Variants in MYT1L observed in about 807,000 individuals in gnomAD.
The protein encoded by MYT1L is myelin transcription factor 1-like protein.
A neutral mutation model predicts 126.7 loss-of-function variants in MYT1L; 12 were observed. The observed-to-expected ratio is 0.09, with a 90% confidence interval of 0.06 to 0.15. The LOEUF is 0.15. Ranked by LOEUF, MYT1L falls within the 10% of genes least tolerant of loss-of-function variation. MYT1L has a pLI of 1.00. For missense variants in MYT1L, 979 were observed against 1,585.2 expected (o/e 0.62, Z 6.49); for synonymous variants, 541 against 604.2 (o/e 0.90, Z 1.53).
At chr2:1,891,994 T>A in intron 15 of MYT1L, 43 bp downstream of exon 15, 1 of 1,465,812 alleles carries the variant, frequency 6.8e-7, no homozygotes, top group African/African-American at 1.4e-5. Flanking sequence ...CGGCCCGGCC[T>A]CCCCCACCCG....
intron 2 of MYT1L, among the ~76,000 whole-genome samples, chr2:2,254,059 A>G (rs1225022441): frequency 2.6e-5 from 4 of 152,332 alleles, no homozygotes; most frequent in Admixed American, 2.0e-4. Flanking sequence ...TAAGTGTGAA[A>G]GGAATGTTGT....
chr2:2,137,334 AACT>A (rs1342653053), intron 3 of MYT1L, among the ~76,000 whole-genome samples: 6 of 152,188 alleles, frequency 3.9e-5, no homozygotes, highest in Admixed American at 3.3e-4. Flanking sequence ...AATTGGAAAA[AACT>A]ACTTTAAAGT....
intron 8 of MYT1L, among the ~76,000 whole-genome samples, chr2:1,944,728 C>T (rs781578339): frequency 7.2e-5 from 11 of 152,198 alleles, no homozygotes; most frequent in African/African-American, 2.7e-4. Flanking sequence ...AGGCTTTATG[C>T]TCTAACAAGG....
At chr2:2,147,191 A>AAT (rs2085019507) in intron 3 of MYT1L, among the ~76,000 whole-genome samples, 2 of 152,318 alleles carry the variant, frequency 1.3e-5, no homozygotes, top group South Asian at 4.1e-4. Flanking sequence ...CTCCCCATGT[A>AAT]AACCTCACAT....
intron 2 of MYT1L, among the ~76,000 whole-genome samples, chr2:2,220,165 G>A (rs1290818742): frequency 6.6e-6 from 1 of 152,154 alleles, no homozygotes; most frequent in African/African-American, 2.4e-5. Context: ...AGTGACCATG[G>A]CACGTGACAC....
chr2:1,965,333 G>A (rs1427175416), intron 8 of MYT1L, among the ~76,000 whole-genome samples: 2 of 149,472 alleles, frequency 1.3e-5, no homozygotes, highest in Non-Finnish European at 3.0e-5. Context: ...TCTGTGACTT[G>A]CAGGGACCAG....
At position 1,889,107 on chromosome 2, in the gene MYT1L, G is replaced by A. The variant is rs540427241; in HGVS notation, c.2520+134C>T. On this transcript the variant is annotated intron_variant, in intron 16 of 24. Transcript: ENST00000647738. This position sits in a 1 kb window ranked among gnomAD's most constrained non-coding sequence, Gnocchi z 4.1. ...TGGGTCAACAAAAACTGTTTTCTAAGTCCTCCTCAGCTAAAGGTCATATTT... is the reference window on the plus strand; with the variant it reads ...TGGGTCAACAAAAACTGTTTTCTAAATCCTCCTCAGCTAAAGGTCATATTT... The A allele has an allele frequency of 1.6e-6, 1 of 643,604 alleles. No homozygotes were observed. Among genetic ancestry groups the A allele is most frequent in the African/African-American group, 1.8e-5 (1 of 54,850 alleles). The allele number at this position is 643,604 out of a possible 1,614,324, so 39.9% of individuals were successfully genotyped here.
chr2:2,015,740 G>A (rs1449597372), intron 4 of MYT1L, among the ~76,000 whole-genome samples: 1 of 152,180 alleles, frequency 6.6e-6, no homozygotes, highest in Non-Finnish European at 1.5e-5. Flanking sequence ...CAGCACACCG[G>A]CTGTCCACTC....
chr2:1,812,390 C>T (rs2036802711), intron 21 of MYT1L, among the ~76,000 whole-genome samples: 1 of 152,168 alleles, frequency 6.6e-6, no homozygotes, highest in Non-Finnish European at 1.5e-5. Context: ...CTCTGTATCC[C>T]CATGATGGGA....
intron 21 of MYT1L, among the ~76,000 whole-genome samples, chr2:1,819,432 A>C (rs2038182269): frequency 6.6e-6 from 1 of 152,166 alleles, no homozygotes; most frequent in African/African-American, 2.4e-5. Context: ...TGACCATCCC[A>C]TTTTACAGAG....
At chr2:1,962,038 G>C (rs2149389560) in intron 8 of MYT1L, among the ~76,000 whole-genome samples, 1 of 152,296 alleles carries the variant, frequency 6.6e-6, no homozygotes, top group South Asian at 2.1e-4. Context: ...CGAATTACAT[G>C]AATGTACTAA....
At chr2:2,114,701 A>G (rs920916182) in intron 3 of MYT1L, among the ~76,000 whole-genome samples, 3 of 152,242 alleles carry the variant, frequency 2.0e-5, no homozygotes, top group Admixed American at 2.0e-4. Flanking sequence ...TGAATGGATG[A>G]GTGGATGAAT....
chr2:2,003,217 T>C (rs1385117243), intron 4 of MYT1L, among the ~76,000 whole-genome samples: 1 of 152,184 alleles, frequency 6.6e-6, no homozygotes, highest in Admixed American at 6.5e-5. Flanking sequence ...TCTGTGCTTC[T>C]GGTGTGTGTC....
intron 2 of MYT1L, among the ~76,000 whole-genome samples, chr2:2,257,871 T>C (rs2094861963): frequency 6.8e-6 from 1 of 147,728 alleles, no homozygotes; most frequent in South Asian, 2.2e-4. Flanking sequence ...ATGACTTTCT[T>C]CACAGAATTG....
At chr2:1,935,737 G>A (rs2055790035) in intron 9 of MYT1L, among the ~76,000 whole-genome samples, 1 of 152,174 alleles carries the variant, frequency 6.6e-6, no homozygotes, top group African/African-American at 2.4e-5. Flanking sequence ...TCTACCCGTG[G>A]ATAAACCAGA....
At chr2:1,930,479 C>T (rs555910095) in intron 9 of MYT1L, among the ~76,000 whole-genome samples, 86 of 152,296 alleles carry the variant, frequency 5.6e-4, no homozygotes, top group African/African-American at 2.0e-3. Flanking sequence ...CCTACCATAA[C>T]GACCTCCCTG....
intron 4 of MYT1L, among the ~76,000 whole-genome samples, chr2:2,021,170 G>A (rs960247742): frequency 1.3e-5 from 2 of 152,194 alleles, no homozygotes; most frequent in African/African-American, 4.8e-5. Flanking sequence ...GGTTCCTACT[G>A]CCTGAGAAAC....
chr2:1,806,302 T>C lies in MYT1L; in HGVS notation c.3172+2774A>G, dbSNP rs1413583921. On this transcript the variant is annotated intron_variant, in intron 22 of 24. Coordinates refer to ENST00000647738, the MANE Select transcript of MYT1L (RefSeq NM_001303052.2). This position sits in a 1 kb window ranked among gnomAD's most constrained non-coding sequence, Gnocchi z 4.9. ...CCAGTGACCTGCAGCTCCTCTTTTT[T>C]ACCCATGGACGTGCGTGCATTAGGA... 1.3e-5 allele frequency among the ~76,000 whole-genome samples: 2 copies of C among 152,210 alleles called. No individual in the cohort carries two copies. Among genetic ancestry groups the C allele is most frequent in the African/African-American group, 2.4e-5 (1 of 41,454 alleles).
At chr2:2,329,893 T>C (rs1573639690) in intron 1 of MYT1L, among the ~76,000 whole-genome samples, 1 of 152,000 alleles carries the variant, frequency 6.6e-6, no homozygotes, top group Non-Finnish European at 1.5e-5. Flanking sequence ...ATGTTTCTCT[T>C]AGTAGCATTT....
Sources: gnomAD v4.1 joint callset for allele counts (sites outside exome capture counted in the v4.1 genomes callset) on GRCh38, gnomAD v4.1.1 for gene constraint, Gnocchi (gnomAD v3.1) non-coding constraint, MANE v1.5 for transcripts, NCBI Gene and HGNC (gene_info 2026-07-23, HGNC 2026-07-21) for gene names.